The following MYH6 variants were observed in gnomAD, a reference collection of about 807,000 sequenced individuals.
MYH6 encodes the protein myosin-6.
In MYH6, 126 loss-of-function variants were observed where a neutral mutation model predicts 223.2. The observed-to-expected ratio is 0.56, with a 90% confidence interval of 0.49 to 0.65. The LOEUF (loss-of-function observed/expected upper bound fraction) is 0.65, where lower values mean the gene tolerates loss of function less well. MYH6 is among the 30% of genes least tolerant of loss of function. The pLI is 0.00. For synonymous variants in MYH6, 978 were observed against 1,010.2 expected, an observed-to-expected ratio of 0.97 and a Z score of 0.61; for missense variants, 2,040 against 2,536.4, an observed-to-expected ratio of 0.80 and a Z score of 4.20.
intron 7 of MYH6, 134 bp downstream of exon 7, chr14:23,404,577 T>C (rs146918376): frequency 0.019 from 20,531 of 1,088,642 alleles, 288 homozygotes; most frequent in Non-Finnish European, 0.02. Context: ...AGGTCTTCCA[T>C]ACTGGGCTGA....
chr14:23,394,772 C>G (rs1398182814), intron 20 of MYH6, among the ~76,000 whole-genome samples: 1 of 152,156 alleles, frequency 6.6e-6, no homozygotes, highest in Non-Finnish European at 1.5e-5. Context: ...CCTGTCACCC[C>G]GCCAGGAGCA....
Position 23,405,191 on chromosome 14 carries a change from G to A in MYH6, c.502+32C>T, listed in dbSNP as rs777219487. 3.1e-5 allele frequency: 50 copies of A among 1,613,888 alleles called. No homozygotes were observed. The highest frequency in any genetic ancestry group is 4.2e-5 in the Non-Finnish European group (49 of 1,180,050). On this transcript the variant is annotated intron_variant, in intron 5 of 38. Coordinates refer to ENST00000405093, the MANE Select transcript of MYH6 (RefSeq NM_002471.4). The surrounding 1 kb of genome is among the most constrained non-coding windows in gnomAD (Gnocchi z 4.7). ...GAGGATCTGGGTGGGTGTCTGGGAG[G>A]AGGAGCAGAGACCAGGGGCCACCAG...
intron 38 of MYH6, 96 bp from the exon 39 acceptor site, chr14:23,382,159 C>A: frequency 2.3e-6 from 3 of 1,290,308 alleles, no homozygotes; most frequent in Non-Finnish European, 2.3e-6. Context: ...AAGGGAGATG[C>A]CCTTGGAGGG....
rs746955749 is a variant in MYH6, at chr14:23,396,288, G to A, written c.2425C>T (p.Arg809Cys). The change falls in exon 20 of 39, where the codon CGC (arginine) becomes TGC (cysteine). Residue 809 changes from arginine to cysteine, a missense_variant. This residue lies in a region of MYH6 where 649 missense variants were observed against 877.3 expected (regional missense o/e 0.74). Transcript: ENST00000405093. ...MRIEFKKIVE[R>C]RDALLVIQWN... ...TCCCTTTTCCTCCTGTCTCACCTGC[G>A]TTCCACTATCTTCTTGAACTCAATG... 1.7e-5 allele frequency: 27 copies of A among 1,613,954 alleles called. No homozygotes were observed. The highest frequency in any genetic ancestry group is 1.6e-4 in the Middle Eastern group (1 of 6,084).
intron 23 of MYH6, 94 bp from the exon 24 acceptor site, chr14:23,393,151 T>C (rs1462529389): frequency 1.3e-6 from 2 of 1,557,610 alleles, no homozygotes; most frequent in East Asian, 4.5e-5. Flanking sequence ...TCCAGTGGGA[T>C]TGGAAGTCAA....
rs767944859 is a variant in MYH6 at position 23,388,233 on chromosome 14, T to G, written c.4281A>C (p.Ile1427=). The G allele has an allele frequency of 2.0e-5, 32 of 1,612,552 alleles. No homozygotes were observed. The highest frequency in any genetic ancestry group is 4.2e-4 in the Middle Eastern group (2 of 4,796). ...GCTCTACGTCCACCATCAAGTCCTC[T>G]ATCTCATTCTGTAGCCGGTGCTTGG... ...EKTKHRLQNE[I]EDLMVDVERS... is the part of the protein sequence containing the mutation. The change falls in exon 30 of 39, where the codon ATA becomes ATC. Residue 1427 remains isoleucine, a synonymous_variant. Transcript: ENST00000405093.
rs926353698 is a variant in MYH6 at position 23,384,916 on chromosome 14, A to G, written c.5289T>C (p.Asp1763=). Residue 1763 remains aspartate (D), a splice_region_variant and synonymous_variant, in exon 35 of 39, where the codon GAT becomes GAC. Coordinates refer to ENST00000405093, the MANE Select transcript of MYH6 (RefSeq NM_002471.4). ...AGGCGGAAGGTGGGCGGTCACTTAC[A>G]TCCGTGATGGCCTTCTTGGCCTTCT... ...AEEKAKKAIT[D]AAMMAEELKK... 6.2e-7 allele frequency: 1 copy of G among 1,613,950 alleles called. No homozygotes were observed. Among genetic ancestry groups the G allele is most frequent in the Non-Finnish European group, 8.5e-7 (1 of 1,180,012 alleles).
chr14:23,383,567 C>T (rs1288496225), intron 36 of MYH6, among the ~76,000 whole-genome samples: 1 of 152,106 alleles, frequency 6.6e-6, no homozygotes, highest in Non-Finnish European at 1.5e-5. Context: ...GGGGGAGGGG[C>T]TCAGAACCTA....
Position 23,393,699 on chromosome 14 carries a change from C to T in MYH6, c.2895G>A (p.Lys965=). The change falls in exon 22 of 39, where the codon AAG becomes AAA. Residue 965 remains lysine, a synonymous_variant. Coordinates refer to ENST00000405093, the MANE Select transcript of MYH6 (RefSeq NM_002471.4). ...CTGTTGCATGCTTCTCCTTCTCCACCTTGGCCAGTGTCAGCTCCAGGTCAT... is the reference window on the plus strand; with the variant it reads ...CTGTTGCATGCTTCTCCTTCTCCACTTTGGCCAGTGTCAGCTCCAGGTCAT... ...DIDDLELTLA[K]VEKEKHATEN... The T allele has an allele frequency of 6.2e-7, 1 of 1,614,182 alleles. No homozygotes were observed. The highest frequency in any genetic ancestry group is 2.2e-5 in the East Asian group (1 of 44,872).
chr14:23,402,668 C>G (rs751884856), intron 11 of MYH6, 29 bp downstream of exon 11: 1 of 1,613,432 alleles, frequency 6.2e-7, no homozygotes, highest in Non-Finnish European at 8.5e-7. Context: ...TGGGGTCCCT[C>G]GAACGGCCGC....
chr14:23,405,850 C>A lies in MYH6; in HGVS notation c.202-80G>T. 6.3e-7 allele frequency: 1 copy of A among 1,585,112 alleles called. No homozygotes were observed. The highest frequency in any genetic ancestry group is 1.1e-5 in the South Asian group (1 of 90,420). On this transcript the variant is annotated intron_variant, in intron 3 of 38. Transcript: ENST00000405093. This position sits in a 1 kb window ranked among gnomAD's most constrained non-coding sequence, Gnocchi z 4.7. Reference sequence around the variant, plus strand: ...TGCCAGCACTGCCCACTGACCTCCTCCCAGGACACAGGGACTTGGCCTTGC... The same window carrying A: ...TGCCAGCACTGCCCACTGACCTCCTACCAGGACACAGGGACTTGGCCTTGC...
chr14:23,384,646 G>A lies in MYH6; in HGVS notation c.5361C>T (p.Asn1787=), dbSNP rs1311392177. 2.5e-6 allele frequency: 4 copies of A among 1,614,186 alleles called. No homozygotes were observed. The highest frequency in any genetic ancestry group is 3.4e-6 in the Non-Finnish European group (4 of 1,180,058). ...GCAGGTCCTTAATGGTCTGCTCCATGTTCTTCTTCATGCGCTCCAGGTGGG... is the reference window on the plus strand; with the variant it reads ...GCAGGTCCTTAATGGTCTGCTCCATATTCTTCTTCATGCGCTCCAGGTGGG... ...TSAHLERMKK[N]MEQTIKDLQH... The change falls in exon 36 of 39, where the codon AAC becomes AAT. Residue 1787 remains asparagine (N), a synonymous_variant. Coordinates refer to ENST00000405093, the MANE Select transcript of MYH6 (RefSeq NM_002471.4).
At chr14:23,397,764 C>A in intron 15 of MYH6, 151 bp from the exon 16 acceptor site, 1 of 843,788 alleles carries the variant, frequency 1.2e-6, no homozygotes. Flanking sequence ...ACAGTAACAA[C>A]TTCCCAAAGT....
chr14:23,389,627 G>A lies in MYH6; in HGVS notation c.3825C>T (p.Phe1275=). The part of the protein sequence containing the change: ...LEEAQRSLND[F]TTQRAKLQTE... The stretch of plus-strand genomic sequence containing the variant: ...TCTGCAGCTTGGCTCGCTGGGTGGT[G>A]AAATCATTGAGGGAGCGTTGGGCCT... Residue 1275 remains phenylalanine (F), a synonymous_variant, in exon 27 of 39, where the codon TTC becomes TTT. Transcript: ENST00000405093. The A allele has an allele frequency of 6.2e-7, 1 of 1,614,220 alleles. No individual in the cohort carries two copies. Among genetic ancestry groups the A allele is most frequent in the Non-Finnish European group, 8.5e-7 (1 of 1,180,046 alleles).
At position 23,384,851 on chromosome 14, in the gene MYH6, GC is replaced by G. The variant is rs1475956520; in HGVS notation, c.5289+64del. 4 of 1,613,080 alleles carry G rather than the reference GC, an allele frequency of 2.5e-6. No homozygotes were observed. The African/African-American group carries it at 5.3e-5, about 22-fold the overall frequency. ...GTTGGCTTGGTGTTACAGCACAGTG[GC>G]CTGGCCTGGACCCAAGGCCTTGTTT... On this transcript the variant is annotated intron_variant, in intron 35 of 38. Transcript: ENST00000405093.
intron 32 of MYH6, among the ~76,000 whole-genome samples, chr14:23,386,857 C>G (rs1027720754): frequency 1.3e-5 from 2 of 152,146 alleles, no homozygotes; most frequent in Non-Finnish European, 2.9e-5. Flanking sequence ...TTGCCAGACC[C>G]TCCAGCACTA....
chr14:23,402,273 T>C (rs1469613267), intron 12 of MYH6, among the ~76,000 whole-genome samples, 191 bp downstream of exon 12: 1 of 152,074 alleles, frequency 6.6e-6, no homozygotes, highest in African/African-American at 2.4e-5. Flanking sequence ...TTCTGGTGAG[T>C]GCAGCTGGGG....
Position 23,383,339 on chromosome 14 carries a change from G to GGGGGGGGGGGCCCCCCCCCCCCCCCC in MYH6, c.5566-20_5566-19insGGGGGGGGGGGGGGGGCCCCCCCCCC. 9.2e-6 allele frequency: 1 copy of GGGGGGGGGGGCCCCCCCCCCCCCCCC among 108,200 alleles called. No homozygotes were observed. The highest frequency in any genetic ancestry group is 1.8e-5 in the Non-Finnish European group (1 of 54,382). The allele number at this position is 108,200 out of a possible 1,614,324, so 6.7% of individuals were successfully genotyped here. On this transcript the variant is annotated intron_variant, in intron 36 of 38. Transcript: ENST00000405093. Reference sequence around the variant, plus strand: ...CCTCTGTCTGGGGGTGGGAGGGTGGGAGAAGCTGGTTTGGAGGGGGAGCAA... The same window carrying GGGGGGGGGGGCCCCCCCCCCCCCCCC: ...CCTCTGTCTGGGGGTGGGAGGGTGGGGGGGGGGGGGCCCCCCCCCCCCCCCCAGAAGCTGGTTTGGAGGGGGAGCAA...
chr14:23,401,703 C>T (rs1305864034), intron 12 of MYH6, among the ~76,000 whole-genome samples: 4 of 152,202 alleles, frequency 2.6e-5, no homozygotes, highest in Non-Finnish European at 2.9e-5. Flanking sequence ...CTGGACTGGC[C>T]ATGCTGTCTT....
Sources: allele counts gnomAD v4.1 joint callset (sites outside exome capture counted in the v4.1 genomes callset), GRCh38; gene constraint gnomAD v4.1.1; regional missense constraint gnomAD v4.1.1; non-coding constraint Gnocchi (gnomAD v3.1); transcripts MANE v1.5; gene names NCBI Gene and HGNC (gene_info 2026-07-23, HGNC 2026-07-21).